SPATA1: variants seen among roughly 807,000 people sequenced by gnomAD.
SPATA1 encodes the protein spermatogenesis associated 1, also known as spermatogenesis-associated protein 1.
A neutral mutation model predicts 59.6 loss-of-function variants in SPATA1; 57 were observed. The ratio of observed to expected loss-of-function variants is 0.96; its 90% CI spans 0.77 to 1.19. SPATA1 has a LOEUF of 1.19. Among genes scored for constraint, SPATA1 ranks in the 50% most tolerant of loss-of-function variants. The pLI, the probability that SPATA1 is intolerant of heterozygous loss-of-function variation, is 0.00. For missense variants in SPATA1, 448 were observed against 480.7 expected, an observed-to-expected ratio of 0.93 and a Z score of 0.64; for synonymous variants, 147 against 163.9, an observed-to-expected ratio of 0.90 and a Z score of 0.79.
At chr1:84,509,388 G>A (rs1012666293) in intron 1 of SPATA1, among the ~76,000 whole-genome samples, 1 of 152,234 alleles carries the variant, frequency 6.6e-6, no homozygotes, top group African/African-American at 2.4e-5. Context: ...GAAGCTAGAT[G>A]TCTCTCTCCT....
At chr1:84,520,124 AC>A in intron 2 of SPATA1, 1 of 152,856 alleles carries the variant, frequency 6.5e-6, no homozygotes, top group East Asian at 1.9e-4. Flanking sequence ...CATTCCCCAA[AC>A]CACAGTATTA....
chr1:84,529,576 C>T (rs956829727), intron 6 of SPATA1, among the ~76,000 whole-genome samples: 10 of 91,348 alleles, frequency 1.1e-4, no homozygotes, highest in South Asian at 4.3e-4. Context: ...GGTAATATGC[C>T]TTTTTTTTTT....
intron 4 of SPATA1, chr1:84,563,377 A>G (rs1684630268): frequency 1.3e-6 from 2 of 1,582,674 alleles, no homozygotes; most frequent in East Asian, 4.7e-5. Flanking sequence ...CACTACAAGG[A>G]GCCCCCCGGA....
At chr1:84,563,838 C>A (rs745485779) in intron 4 of SPATA1, 1 of 1,596,878 alleles carries the variant, frequency 6.3e-7, no homozygotes, top group Non-Finnish European at 8.5e-7. Flanking sequence ...ATATCCTAGT[C>A]AAGCAGGAGA....
chr1:84,549,105 T>A, intron 11 of SPATA1, 141 bp downstream of exon 11: 2 of 789,156 alleles, frequency 2.5e-6, no homozygotes, highest in Non-Finnish European at 3.7e-6. Flanking sequence ...CATGACCTTA[T>A]GTAATAGGAG....
chr1:84,545,485 T>C (rs752701832), intron 9 of SPATA1, 149 bp from the exon 10 acceptor site: 17 of 765,360 alleles, frequency 2.2e-5, no homozygotes, highest in African/African-American at 3.8e-5. Context: ...TTCCACATGG[T>C]AAATGCTATA....
At chr1:84,544,229 C>T (rs1299971843) in exon 9 of SPATA1, 2 of 1,601,094 alleles carry the variant, frequency 1.2e-6, no homozygotes, top group Non-Finnish European at 1.7e-6. Context: ...CATCACCCTA[C>T]CAGATCACCC....
At chr1:84,538,669 G>C (rs76214314) in intron 8 of SPATA1, among the ~76,000 whole-genome samples, 1 of 152,284 alleles carries the variant, frequency 6.6e-6, no homozygotes, top group African/African-American at 2.4e-5. Context: ...AGGATGTGCT[G>C]CTCTATTTTT....
At chr1:84,513,266 G>A (rs182429915) in intron 1 of SPATA1, among the ~76,000 whole-genome samples, 95 of 152,326 alleles carry the variant, frequency 6.2e-4, no homozygotes, top group African/African-American at 2.2e-3. Flanking sequence ...CTCCGGAGTA[G>A]CTGGGATTAC....
chr1:84,522,556 C>G, intron 4 of SPATA1, 49 bp downstream of exon 4: 1 of 934,422 alleles, frequency 1.1e-6, no homozygotes, highest in Non-Finnish European at 1.6e-6. Flanking sequence ...CATACCTTCT[C>G]AAATTACATT....
chr1:84,548,784 AG>A lies in SPATA1; in HGVS notation c.947-1del. The stretch of plus-strand genomic sequence containing the variant: ...TTTTTTTTTTTTTTTTTTTTTTTAT[AG>A]CCTACAATGGTTGGAAGAAAAAATA... On this transcript the variant is annotated splice_acceptor_variant, in intron 10 of 12. Coordinates refer to ENST00000490879, the Ensembl canonical transcript of SPATA1. LOFTEE classifies it high-confidence loss of function. The A allele has an allele frequency of 4.3e-6, 2 of 468,070 alleles. No homozygotes were observed. Among genetic ancestry groups the A allele is most frequent in the Non-Finnish European group, 5.9e-6 (2 of 341,608 alleles). The allele number at this position is 468,070 out of a possible 1,614,324, so 29.0% of individuals were successfully genotyped here.
chr1:84,534,173 C>T (rs1045713919), intron 8 of SPATA1, among the ~76,000 whole-genome samples: 2 of 152,000 alleles, frequency 1.3e-5, no homozygotes, highest in Admixed American at 1.3e-4. Context: ...TAGTTACTAG[C>T]TGTGTGACCT....
At chr1:84,515,677 A>G (rs1046768863) in intron 1 of SPATA1, among the ~76,000 whole-genome samples, 1 of 152,150 alleles carries the variant, frequency 6.6e-6, no homozygotes, top group Non-Finnish European at 1.5e-5. Context: ...ACTGCCATAA[A>G]TCCTGAGGAA....
chr1:84,566,590 A>G (rs538662936), downstream of SPATA1, among the ~76,000 whole-genome samples: 1 of 152,314 alleles, frequency 6.6e-6, no homozygotes, highest in Admixed American at 6.5e-5. Context: ...AAATCATTTA[A>G]ATGATCTTAT....
chr1:84,550,702 C>T, intron 12 of SPATA1, 172 bp downstream of exon 12: 2 of 1,187,834 alleles, frequency 1.7e-6, no homozygotes, highest in Non-Finnish European at 2.1e-6. Context: ...GGAAGAAAAA[C>T]TAAACCTGTG....
At chr1:84,563,256 C>T in intron 4 of SPATA1, 1 of 1,497,996 alleles carries the variant, frequency 6.7e-7, no homozygotes, top group Non-Finnish European at 8.9e-7. Context: ...AAAAGTCTTA[C>T]TTTATAGTTA....
downstream of SPATA1, chr1:84,555,146 A>G: frequency 6.2e-7 from 1 of 1,614,074 alleles, no homozygotes; most frequent in Non-Finnish European, 8.5e-7. Flanking sequence ...TTGCCTTTAA[A>G]GAAATACTCT....
intron 8 of SPATA1, among the ~76,000 whole-genome samples, chr1:84,536,026 C>T (rs1252414585): frequency 1.3e-5 from 2 of 152,198 alleles, no homozygotes; most frequent in East Asian, 3.8e-4. Flanking sequence ...CTTAAACCTG[C>T]ACTGAACTGA....
chr1:84,556,777 C>G (rs1419868752), downstream of SPATA1, among the ~76,000 whole-genome samples: 2 of 151,546 alleles, frequency 1.3e-5, no homozygotes, highest in Admixed American at 6.6e-5. Flanking sequence ...TACACTGCGG[C>G]ATATTTAAAT....
Sources: allele counts gnomAD v4.1 joint callset (sites outside exome capture counted in the v4.1 genomes callset), GRCh38; gene constraint gnomAD v4.1.1; transcripts MANE v1.5; gene names NCBI Gene and HGNC (gene_info 2026-07-23, HGNC 2026-07-21).